Variants in ROBO2 observed in about 807,000 individuals in gnomAD.
The protein encoded by ROBO2 is roundabout guidance receptor 2, also known as roundabout homolog 2.
Under a neutral mutation model 160.8 loss-of-function variants are expected in ROBO2, and 53 were observed. The ratio of observed to expected loss-of-function variants is 0.33; its 90% confidence interval spans 0.26 to 0.41. ROBO2 has a LOEUF of 0.41. Among genes scored for constraint, ROBO2 ranks in the 10% least tolerant of loss-of-function variants. The pLI, the probability that ROBO2 is intolerant of heterozygous loss-of-function variation, is 1.00. For missense variants in ROBO2, 1,577 were observed against 1,722.4 expected (o/e 0.92, Z 1.49); for synonymous variants, 664 against 611.7 (o/e 1.09, Z -1.26).
At chr3:76,938,132 G>A (rs953508151) in intron 2 of ROBO2, among the ~76,000 whole-genome samples, 1 of 152,162 alleles carries the variant, frequency 6.6e-6, no homozygotes, top group Non-Finnish European at 1.5e-5. Flanking sequence ...GCCGAGGCGG[G>A]CAGATCACGA....
At chr3:76,120,296 C>T (rs116704050) in intron 2 of ROBO2, among the ~76,000 whole-genome samples, 2,959 of 152,218 alleles carry the variant, frequency 0.019, 88 homozygotes, top group African/African-American at 0.068. Flanking sequence ...GCCACCACGC[C>T]TGGAGGCTTT....
At chr3:76,817,045 G>C (rs758568197) in intron 2 of ROBO2, among the ~76,000 whole-genome samples, 3 of 151,998 alleles carry the variant, frequency 2.0e-5, no homozygotes, top group Non-Finnish European at 4.4e-5. Context: ...CACAGGGAGG[G>C]GAACATCAAA....
chr3:77,282,908 T>C (rs1479651813), intron 2 of ROBO2, among the ~76,000 whole-genome samples: 1 of 151,830 alleles, frequency 6.6e-6, no homozygotes, highest in Non-Finnish European at 1.5e-5. Context: ...AAATATCTAA[T>C]TATTGGAACT....
chr3:77,580,161 C>G, intron 16 of ROBO2, 43 bp downstream of exon 17: 1 of 1,588,484 alleles, frequency 6.3e-7, no homozygotes, highest in Non-Finnish European at 8.6e-7. Flanking sequence ...AATCAGTCAG[C>G]TGACAAGGTG....
At chr3:76,188,653 T>G (rs1290398875) in intron 2 of ROBO2, among the ~76,000 whole-genome samples, 6 of 152,114 alleles carry the variant, frequency 3.9e-5, no homozygotes, top group African/African-American at 4.8e-5. Context: ...CAAACCCCCA[T>G]GCTATCTAAC....
chr3:76,482,090 C>G (rs144558599), intron 2 of ROBO2, among the ~76,000 whole-genome samples: 2,509 of 152,172 alleles, frequency 0.016, 31 homozygotes, highest in Non-Finnish European at 0.025. Context: ...TAGGAGCTGC[C>G]AGAAAACCCC....
At chr3:76,162,975 G>T (rs1445583115) in intron 2 of ROBO2, among the ~76,000 whole-genome samples, 1 of 152,016 alleles carries the variant, frequency 6.6e-6, no homozygotes, top group Non-Finnish European at 1.5e-5. Flanking sequence ...TAATTATTTA[G>T]AATGGATTAC....
At chr3:76,709,147 A>G (rs548294873) in intron 2 of ROBO2, among the ~76,000 whole-genome samples, 42 of 152,220 alleles carry the variant, frequency 2.8e-4, no homozygotes, top group Non-Finnish European at 5.1e-4. Context: ...AAAGGTTGGC[A>G]TTAAACAGTC....
intron 2 of ROBO2, among the ~76,000 whole-genome samples, chr3:76,672,402 C>T (rs985591889): frequency 3.3e-5 from 5 of 152,046 alleles, no homozygotes; most frequent in Non-Finnish European, 7.4e-5. Context: ...AAAGTGTACC[C>T]ATTTCAATGA....
intron 2 of ROBO2, among the ~76,000 whole-genome samples, chr3:76,911,048 C>T (rs1231991478): frequency 6.6e-6 from 1 of 152,090 alleles, no homozygotes; most frequent in African/African-American, 2.4e-5. Flanking sequence ...TATAATCTAC[C>T]ATCTGCACTC....
At chr3:77,014,266 C>T (rs1469196030) in intron 2 of ROBO2, among the ~76,000 whole-genome samples, 1 of 152,148 alleles carries the variant, frequency 6.6e-6, no homozygotes, top group East Asian at 1.9e-4. Flanking sequence ...CATTCCCACA[C>T]TACGACCTAA....
At chr3:77,558,181 C>T (rs1454277584) in intron 9 of ROBO2, 32 bp downstream of exon 10, 1 of 1,557,830 alleles carries the variant, frequency 6.4e-7, no homozygotes, top group Admixed American at 1.7e-5. Flanking sequence ...CATGAATTAT[C>T]ATCTACACAT....
At chr3:76,467,350 T>G (rs958679475) in intron 2 of ROBO2, among the ~76,000 whole-genome samples, 18 of 152,140 alleles carry the variant, frequency 1.2e-4, no homozygotes, top group African/African-American at 4.1e-4. Context: ...AAAACAAGAT[T>G]TAGCTATCCA....
chr3:76,057,308 C>T (rs924942014), intron 2 of ROBO2, among the ~76,000 whole-genome samples: 1 of 152,074 alleles, frequency 6.6e-6, no homozygotes, highest in African/African-American at 2.4e-5. Flanking sequence ...ACGTTTGTTC[C>T]TTCAGTAATT....
chr3:77,459,561 A>G (rs953180347), intron 2 of ROBO2, among the ~76,000 whole-genome samples: 10 of 152,220 alleles, frequency 6.6e-5, no homozygotes, highest in African/African-American at 2.2e-4. Context: ...ACGAACACAA[A>G]CAAGAATACT....
intron 2 of ROBO2, among the ~76,000 whole-genome samples, chr3:76,293,225 C>T (rs1016343680): frequency 2.6e-5 from 4 of 152,116 alleles, no homozygotes; most frequent in African/African-American, 9.7e-5. Context: ...GCTTCTTGTC[C>T]GCTAGCATGT....
intron 1 of ROBO2, among the ~76,000 whole-genome samples, chr3:75,920,731 A>G (rs139622743): frequency 2.0e-3 from 299 of 152,250 alleles, no homozygotes; most frequent in African/African-American, 6.9e-3. Flanking sequence ...GTGCATATAT[A>G]TTTAGGATAG....
intron 2 of ROBO2, among the ~76,000 whole-genome samples, chr3:76,986,377 A>T (rs572609052): frequency 5.8e-4 from 88 of 152,254 alleles, no homozygotes; most frequent in Middle Eastern, 6.8e-3. Context: ...GTTCTAGAAC[A>T]TAGCTTTGTT....
At position 76,253,128 on chromosome 3, in the gene ROBO2, A is replaced by C. The variant is rs146649409; in HGVS notation, c.109+315526A>C. The stretch of plus-strand genomic sequence containing the variant: ...TACTACAGTCTTACCAAGTTGACAC[A>C]TAATGCTATCACAGATCAGCCTCTT... On this transcript the variant is annotated intron_variant, in intron 2 of 26. Coordinates refer to the ROBO2 transcript ENST00000487694. Among the ~76,000 whole-genome samples the C allele has an allele frequency of 2.1e-3, 327 of 152,212 alleles. 1 individual carries two copies. The highest frequency in any genetic ancestry group is 7.1e-3 in the African/African-American group (295 of 41,552).
Sources: gnomAD v4.1 joint callset for allele counts (sites outside exome capture counted in the v4.1 genomes callset) on GRCh38, gnomAD v4.1.1 for gene constraint, MANE v1.5 for transcripts, NCBI Gene and HGNC (gene_info 2026-07-23, HGNC 2026-07-21) for gene names.